KIAA1671: variants seen among roughly 807,000 people sequenced by gnomAD.
The protein encoded by KIAA1671 is uncharacterized protein KIAA1671.
A neutral mutation model predicts 131.2 loss-of-function variants in KIAA1671; 52 were observed. The observed-to-expected ratio is 0.40, with a 90% confidence interval of 0.32 to 0.50. The LOEUF (loss-of-function observed/expected upper bound fraction) is 0.50, where lower values mean the gene tolerates loss of function less well. Among genes scored for constraint, KIAA1671 ranks in the 20% least tolerant of loss-of-function variants. KIAA1671 has a pLI of 0.73. For missense variants in KIAA1671, 2,360 were observed against 2,364.2 expected (o/e 1.00, Z 0.04); for synonymous variants, 1,003 against 961.6 (o/e 1.04, Z -0.80).
chr22:25,101,993 G>A (rs978363548), intron 6 of KIAA1671, among the ~76,000 whole-genome samples: 8 of 152,154 alleles, frequency 5.3e-5, no homozygotes, highest in African/African-American at 1.9e-4. Flanking sequence ...TCTCAGAGGC[G>A]GGAGTATCTA....
intron 6 of KIAA1671, among the ~76,000 whole-genome samples, chr22:25,097,371 G>A (rs979632225): frequency 6.6e-6 from 1 of 152,114 alleles, no homozygotes; most frequent in African/African-American, 2.4e-5. Context: ...GTATTACCTC[G>A]CACAGTTCAC....
chr22:25,007,674 AATGTT>A (rs1005168646), intron 1 of KIAA1671, among the ~76,000 whole-genome samples: 24 of 152,132 alleles, frequency 1.6e-4, no homozygotes, highest in Admixed American at 3.3e-4. Flanking sequence ...GCAACATACA[AATGTT>A]ATGTTCCCTT....
At chr22:24,998,674 C>T (rs1340359828) in intron 1 of KIAA1671, among the ~76,000 whole-genome samples, 4 of 147,270 alleles carry the variant, frequency 2.7e-5, no homozygotes, top group East Asian at 2.0e-4. Context: ...GCCAAGATCG[C>T]GCCACTGGAC....
At position 25,193,288 on chromosome 22, in the gene KIAA1671, C is replaced by T. The variant is rs943696657; in HGVS notation, c.*887C>T. ...CTTCTTTTCATTTGAGCTCTGGTTT[C>T]GGTAGGGTGACCTTTGCCCCTTGGC... On this transcript the variant is annotated 3_prime_UTR_variant, in exon 13 of 13. Transcript: ENST00000358431. 5 of 152,250 alleles carry T rather than the reference C, an allele frequency of 3.3e-5. No individual in the cohort carries two copies. The highest frequency in any genetic ancestry group is 4.8e-5 in the African/African-American group (2 of 41,544). The allele number at this position is 152,250 out of a possible 1,614,324, so 9.4% of individuals were successfully genotyped here.
chr22:25,017,381 TCAAA>T (rs1366873757), intron 1 of KIAA1671, among the ~76,000 whole-genome samples: 2 of 151,974 alleles, frequency 1.3e-5, no homozygotes, highest in Non-Finnish European at 2.9e-5. Flanking sequence ...AGACTCCATC[TCAAA>T]CAAACAAAAA....
intron 1 of KIAA1671, among the ~76,000 whole-genome samples, chr22:24,956,986 C>T (rs985951483): frequency 2.0e-5 from 3 of 151,954 alleles, no homozygotes. Context: ...TTTTGAGACT[C>T]GACTTCCCTA....
Position 25,174,369 on chromosome 22 carries a change from C to G in KIAA1671, c.4779C>G (p.Asp1593Glu). 1.9e-6 allele frequency: 3 copies of G among 1,552,092 alleles called. No individual in the cohort carries two copies. Among genetic ancestry groups the G allele is most frequent in the Non-Finnish European group, 2.6e-6 (3 of 1,147,094 alleles). ...SAGDQYDCSR[D>E]QRSTSVDHSS... ...GGGACCAGTATGACTGCTCCAGGGA[C>G]CAGCGGAGCACCAGCGTGGACCACT... The change falls in exon 8 of 13, where the codon GAC becomes GAG. Residue 1593 changes from aspartate (D) to glutamate (E), a missense_variant. Physicochemically the swap from Asp to Glu is conservative, Grantham distance 45. Coordinates refer to ENST00000358431, the MANE Select transcript of KIAA1671 (RefSeq NM_001145206.2).
At chr22:24,953,640 C>A (rs899719539) in intron 1 of KIAA1671, among the ~76,000 whole-genome samples, 1 of 151,920 alleles carries the variant, frequency 6.6e-6, no homozygotes, top group Admixed American at 6.6e-5. Flanking sequence ...GGATGGGAAG[C>A]GGCTCGTTGA....
rs113737530 is a variant in KIAA1671 at position 25,124,993 on chromosome 22, C to A, written c.4531-45827C>A. The stretch of plus-strand genomic sequence containing the variant: ...AGGCTGGTCTCGAACTCCTGGGCTC[C>A]AGCAGTCCTCCTGCTTCAGCCTCCC... On this transcript the variant is annotated intron_variant, in intron 6 of 12. Coordinates refer to ENST00000358431, the MANE Select transcript of KIAA1671 (RefSeq NM_001145206.2). Among the ~76,000 whole-genome samples, 208 of 152,242 alleles carry A rather than the reference C, an allele frequency of 1.4e-3. 1 individual carries two copies. The highest frequency in any genetic ancestry group is 4.5e-3 in the African/African-American group (188 of 41,544).
intron 6 of KIAA1671, among the ~76,000 whole-genome samples, chr22:25,141,053 C>G (rs1461707441): frequency 2.0e-5 from 3 of 152,124 alleles, no homozygotes; most frequent in African/African-American, 7.2e-5. Flanking sequence ...AGACTGGGCT[C>G]AGAGGAGCTC....
chr22:25,176,749 G>T (rs756588273), intron 8 of KIAA1671: 1 of 152,168 alleles, frequency 6.6e-6, no homozygotes, highest in African/African-American at 2.4e-5. Context: ...TCACTGGGGG[G>T]GCCCTCACCA....
intron 11 of KIAA1671, among the ~76,000 whole-genome samples, chr22:25,188,173 C>T (rs1042789517): frequency 2.0e-5 from 3 of 152,080 alleles, no homozygotes; most frequent in South Asian, 2.1e-4. Flanking sequence ...TGGTGGCGGG[C>T]GCCTGTAGTC....
chr22:24,982,508 A>G (rs910557409), intron 1 of KIAA1671, among the ~76,000 whole-genome samples: 13 of 152,170 alleles, frequency 8.5e-5, no homozygotes, highest in African/African-American at 3.1e-4. Flanking sequence ...ATGCAGAGCT[A>G]GGGAATGAGG....
intron 11 of KIAA1671, among the ~76,000 whole-genome samples, chr22:25,190,255 G>T (rs58577915): frequency 6.6e-6 from 1 of 152,000 alleles, no homozygotes; most frequent in Non-Finnish European, 1.5e-5. Context: ...TGAGAAGCTC[G>T]CAACCTAGAT....
chr22:25,184,862 G>T lies in KIAA1671; in HGVS notation c.5200-115G>T, dbSNP rs748616794. On this transcript the variant is annotated intron_variant, in intron 10 of 12. Transcript: ENST00000358431. Reference sequence around the variant, plus strand: ...CATGTTTCCTGTCTGGGTTTATTCCGATTCAGGGGGCCCCGAGTGTTTGCA... The same window carrying T: ...CATGTTTCCTGTCTGGGTTTATTCCTATTCAGGGGGCCCCGAGTGTTTGCA... 7.0e-5 allele frequency: 84 copies of T among 1,201,168 alleles called. No individual in the cohort carries two copies. The Middle Eastern group carries it at 1.3e-3, about 19-fold the overall frequency. The allele number at this position is 1,201,168 out of a possible 1,614,324, so 74.4% of individuals were successfully genotyped here. A position where few individuals can be genotyped will look rare whatever the true frequency, so the allele number is the denominator to read the frequency against.
intron 1 of KIAA1671, among the ~76,000 whole-genome samples, chr22:24,986,964 C>A (rs897176055): frequency 6.6e-6 from 1 of 151,800 alleles, no homozygotes; most frequent in South Asian, 2.1e-4. Context: ...GCTTTGCAGG[C>A]CATAAGACCT....
intron 6 of KIAA1671, among the ~76,000 whole-genome samples, chr22:25,130,698 C>A (rs1175824424): frequency 2.0e-5 from 3 of 152,210 alleles, no homozygotes; most frequent in African/African-American, 4.8e-5. Flanking sequence ...TCTGGGCCTC[C>A]ACTCGGAGCT....
At chr22:25,159,766 T>C (rs1933372960) in intron 6 of KIAA1671, among the ~76,000 whole-genome samples, 1 of 152,208 alleles carries the variant, frequency 6.6e-6, no homozygotes, top group Non-Finnish European at 1.5e-5. Context: ...TGCTCGGTCA[T>C]AGAGCCCTAG....
chr22:24,973,371 C>T (rs959619439), intron 1 of KIAA1671, among the ~76,000 whole-genome samples: 9 of 149,688 alleles, frequency 6.0e-5, no homozygotes, highest in African/African-American at 2.0e-4. Flanking sequence ...CAGTACAGAC[C>T]CCAAACTGCA....
Sources: gnomAD v4.1 joint callset for allele counts (sites outside exome capture counted in the v4.1 genomes callset) on GRCh38, gnomAD v4.1.1 for gene constraint, MANE v1.5 for transcripts, NCBI Gene and HGNC (gene_info 2026-07-23, HGNC 2026-07-21) for gene names.